UBAP1: variants seen among roughly 807,000 people sequenced by gnomAD.
The protein encoded by UBAP1 is ubiquitin associated protein 1, also known as ubiquitin-associated protein 1.
A neutral mutation model predicts 39.0 loss-of-function variants in UBAP1; 5 were observed. The ratio of observed to expected loss-of-function variants is 0.13; its 90% CI spans 0.07 to 0.27. The LOEUF is 0.27. Among genes scored for constraint, UBAP1 ranks in the 10% least tolerant of loss-of-function variants. The pLI is 1.00. For missense variants in UBAP1, 490 were observed against 608.1 expected, an observed-to-expected ratio of 0.81 and a Z score of 2.04; for synonymous variants, 211 against 225.1, an observed-to-expected ratio of 0.94 and a Z score of 0.56.
At chr9:34,221,859 A>C (rs796093859) in intron 2 of UBAP1, among the ~76,000 whole-genome samples, 1 of 152,220 alleles carries the variant, frequency 6.6e-6, no homozygotes, top group South Asian at 2.1e-4. Flanking sequence ...GGTAGCTAAG[A>C]AGTTAAAATT....
intron 1 of UBAP1, among the ~76,000 whole-genome samples, chr9:34,185,885 A>T (rs1371709475): frequency 6.6e-6 from 1 of 152,144 alleles, no homozygotes; most frequent in Non-Finnish European, 1.5e-5. Context: ...TTCAGTTCTC[A>T]CACTTGAATT....
chr9:34,220,647 A>G (rs1467734292), intron 1 of UBAP1, among the ~76,000 whole-genome samples: 1 of 151,714 alleles, frequency 6.6e-6, no homozygotes, highest in African/African-American at 2.4e-5. Context: ...TAATTTTTTT[A>G]ATATAGAGAT....
intron 1 of UBAP1, among the ~76,000 whole-genome samples, chr9:34,215,544 A>AG (rs1832259313): frequency 7.6e-6 from 1 of 131,846 alleles, no homozygotes; most frequent in Non-Finnish European, 1.6e-5. Context: ...GAAGGGTTGG[A>AG]GGGGGGTGAG....
intron 1 of UBAP1, among the ~76,000 whole-genome samples, chr9:34,194,988 A>G (rs1830941037): frequency 6.6e-6 from 1 of 152,162 alleles, no homozygotes; most frequent in Non-Finnish European, 1.5e-5. Flanking sequence ...CAGAACTGAG[A>G]CTTGACCCCT....
intron 1 of UBAP1, among the ~76,000 whole-genome samples, chr9:34,201,989 T>C (rs1209686106): frequency 6.6e-6 from 1 of 152,170 alleles, no homozygotes; most frequent in Non-Finnish European, 1.5e-5. Context: ...AAGAGATTTG[T>C]CTGGCAAGGT....
intron 1 of UBAP1, among the ~76,000 whole-genome samples, chr9:34,211,801 C>CT (rs1832033023): frequency 6.6e-6 from 1 of 152,038 alleles, no homozygotes; most frequent in Admixed American, 6.6e-5. Flanking sequence ...TCTCTTGTTA[C>CT]CTGTTTCCCC....
At chr9:34,222,672 C>T (rs553778679) in intron 2 of UBAP1, among the ~76,000 whole-genome samples, 4 of 152,036 alleles carry the variant, frequency 2.6e-5, no homozygotes, top group African/African-American at 9.6e-5. Flanking sequence ...TGGTATGTGC[C>T]TGTAGTCTCA....
chr9:34,226,154 T>TGTGTGTGTG (rs1833088196), intron 2 of UBAP1, among the ~76,000 whole-genome samples: 1 of 142,710 alleles, frequency 7.0e-6, no homozygotes. Flanking sequence ...TGTGTGTGTG[T>TGTGTGTGTG]GTGGTGGGCT....
intron 4 of UBAP1, among the ~76,000 whole-genome samples, chr9:34,245,866 C>T (rs1419851231): frequency 6.8e-6 from 1 of 147,276 alleles, no homozygotes; most frequent in Non-Finnish European, 1.5e-5. Flanking sequence ...TATCTTTCCA[C>T]ATTCTAAAAT....
intron 1 of UBAP1, among the ~76,000 whole-genome samples, chr9:34,212,327 G>A (rs1185452912): frequency 6.6e-6 from 1 of 151,102 alleles, no homozygotes; most frequent in Non-Finnish European, 1.5e-5. Context: ...CAAGGCAGGA[G>A]GATAGCTTGA....
At chr9:34,243,033 A>G (rs1174689769) in intron 4 of UBAP1, among the ~76,000 whole-genome samples, 3 of 152,136 alleles carry the variant, frequency 2.0e-5, no homozygotes, top group Non-Finnish European at 4.4e-5. Context: ...ATTGTCAGAG[A>G]GCTCATAGCT....
intron 1 of UBAP1, among the ~76,000 whole-genome samples, chr9:34,185,628 C>A (rs1210816761): frequency 2.0e-5 from 3 of 152,040 alleles, no homozygotes; most frequent in Non-Finnish European, 4.4e-5. Context: ...GGTGGATCAC[C>A]TGAGGTCAGG....
intron 2 of UBAP1, among the ~76,000 whole-genome samples, chr9:34,233,285 G>T (rs573339877): frequency 1.3e-5 from 2 of 149,784 alleles, no homozygotes; most frequent in African/African-American, 4.9e-5. Flanking sequence ...GCAGTGGCGC[G>T]ATCTCGGCTG....
chr9:34,219,088 C>CT lies in UBAP1; in HGVS notation c.-7-1809dup, dbSNP rs951824601. On this transcript the variant is annotated intron_variant, in intron 1 of 6. Transcript: ENST00000297661. Reference sequence around the variant, plus strand: ...TCTACACCATGCTGAAAAATGGAAACTTTTTTTTTTTCTTTTTGGTAACAG... The same window carrying CT: ...TCTACACCATGCTGAAAAATGGAAACTTTTTTTTTTTTCTTTTTGGTAACAG... Among the ~76,000 whole-genome samples, 292 of 147,996 alleles carry CT rather than the reference C, an allele frequency of 2.0e-3. 2 individuals are homozygous for CT. Among genetic ancestry groups the CT allele is most frequent in the East Asian group, 1.6e-3 (8 of 5,066 alleles).
Position 34,179,241 on chromosome 9 carries a change from G to C in UBAP1, c.-8+1G>C. On this transcript the variant is annotated splice_donor_variant, in intron 1 of 6. Transcript: ENST00000297661. LOFTEE classifies it low-confidence loss of function (5UTR_SPLICE). ...AGACGGCGGCAGCAGCGGCATTCAG[G>C]TGAGGGGGGCCTCCCTCTGGGGGAG... is the stretch of plus-strand genomic sequence containing the variant. 1 of 1,232,024 alleles carries C rather than the reference G, an allele frequency of 8.1e-7. No homozygotes were observed. Among genetic ancestry groups the C allele is most frequent in the Non-Finnish European group, 1.0e-6 (1 of 987,868 alleles). 76.3% of individuals were successfully genotyped at this position (1,232,024 alleles called of 1,614,324 possible). A position where few individuals can be genotyped will look rare whatever the true frequency, so the allele number is the denominator to read the frequency against.
At chr9:34,192,817 ATTTAGAT>A (rs1258274540) in intron 1 of UBAP1, among the ~76,000 whole-genome samples, 4 of 152,154 alleles carry the variant, frequency 2.6e-5, no homozygotes, top group African/African-American at 9.7e-5. Flanking sequence ...AAGAAATATA[ATTTAGAT>A]TTTAGAATTA....
chr9:34,207,345 C>T (rs1353179889), intron 1 of UBAP1, among the ~76,000 whole-genome samples: 4 of 149,336 alleles, frequency 2.7e-5, no homozygotes, highest in Non-Finnish European at 5.9e-5. Flanking sequence ...CACGCCTGGC[C>T]GCTTAATTGT....
At chr9:34,221,387 G>C (rs911055204) in intron 2 of UBAP1, among the ~76,000 whole-genome samples, 2 of 151,944 alleles carry the variant, frequency 1.3e-5, no homozygotes, top group Non-Finnish European at 2.9e-5. Flanking sequence ...AAATTAGCCG[G>C]GCGTGTTGGC....
At position 34,241,242 on chromosome 9, in the gene UBAP1, G is replaced by A. The variant is rs150581165; in HGVS notation, c.217G>A (p.Glu73Lys). 2.0e-6 allele frequency: 3 copies of A among 1,497,934 alleles called. No homozygotes were observed. Among genetic ancestry groups the A allele is most frequent in the South Asian group, 2.9e-5 (2 of 68,234 alleles). 92.8% of individuals were successfully genotyped at this position (1,497,934 alleles called of 1,614,324 possible). Residue 73 changes from glutamate (E) to lysine (K), a missense_variant, in exon 4 of 7, where the codon GAA (glutamate) becomes AAA (lysine). Physicochemically the swap from Glu to Lys is moderately conservative, Grantham distance 56. Transcript: ENST00000297661. ...IEWAEEIKKIEEAEREAECKI... is the reference protein window; with the variant it reads ...IEWAEEIKKIKEAEREAECKI... ...GTGGGCTGAAGAGATTAAGAAAATC[G>A]AAGAAGCCGAGCGGGAAGCAGAGTG...
Sources: gnomAD v4.1 joint callset for allele counts (sites outside exome capture counted in the v4.1 genomes callset) on GRCh38, gnomAD v4.1.1 for gene constraint, MANE v1.5 for transcripts, NCBI Gene and HGNC (gene_info 2026-07-23, HGNC 2026-07-21) for gene names.